CNTN4: variants seen among roughly 807,000 people sequenced by gnomAD.
The protein encoded by CNTN4 is contactin 4.
Under a neutral mutation model 122.5 loss-of-function variants are expected in CNTN4, and 77 were observed. That is an observed-to-expected ratio of 0.63 (90% confidence interval 0.52 to 0.76). CNTN4 has a LOEUF of 0.76. CNTN4 is among the 30% of genes least tolerant of loss of function. CNTN4 has a pLI of 0.00. For missense variants in CNTN4, 1,256 were observed against 1,259.1 expected (o/e 1.00, Z 0.04); for synonymous variants, 512 against 447.0 (o/e 1.15, Z -1.83).
At chr3:3,004,730 G>T (rs1338462242) in intron 14 of CNTN4, among the ~76,000 whole-genome samples, 1 of 152,196 alleles carries the variant, frequency 6.6e-6, no homozygotes, top group Non-Finnish European at 1.5e-5. Context: ...CTCTTCTCTT[G>T]CTGTACTGTT....
intron 2 of CNTN4, among the ~76,000 whole-genome samples, chr3:2,157,805 A>G (rs1389459426): frequency 2.0e-5 from 3 of 152,246 alleles, no homozygotes; most frequent in Non-Finnish European, 2.9e-5. Flanking sequence ...TCCTGACTTC[A>G]AAATTTTCTG....
At chr3:2,241,500 C>T (rs185385101) in intron 2 of CNTN4, among the ~76,000 whole-genome samples, 1 of 151,992 alleles carries the variant, frequency 6.6e-6, no homozygotes, top group Non-Finnish European at 1.5e-5. Context: ...CTAGGGATAC[C>T]CCTTCCTTCC....
intron 3 of CNTN4, among the ~76,000 whole-genome samples, chr3:2,502,935 A>G (rs376088881): frequency 2.6e-5 from 4 of 152,194 alleles, no homozygotes; most frequent in African/African-American, 7.2e-5. Context: ...GATGAAAACT[A>G]TACTGTTGTA....
At chr3:2,207,031 T>C (rs1382862971) in intron 2 of CNTN4, among the ~76,000 whole-genome samples, 1 of 151,044 alleles carries the variant, frequency 6.6e-6, no homozygotes, top group Non-Finnish European at 1.5e-5. Flanking sequence ...TTCTTATTAT[T>C]ATATTGTTAC....
intron 3 of CNTN4, among the ~76,000 whole-genome samples, chr3:2,481,069 C>CTTTCTCTCTT (rs1316209675): frequency 7.2e-6 from 1 of 138,692 alleles, no homozygotes; most frequent in African/African-American, 2.8e-5. Context: ...TTCTCTCTTT[C>CTTTCTCTCTT]TCTCTTTCTC....
intron 23 of CNTN4, among the ~76,000 whole-genome samples, chr3:3,046,358 A>G (rs2125831141): frequency 6.6e-6 from 1 of 152,334 alleles, no homozygotes; most frequent in South Asian, 2.1e-4. Context: ...GAAGGAAAAA[A>G]TGTTAAGGGC....
chr3:2,307,795 T>A (rs1171692084), intron 2 of CNTN4, among the ~76,000 whole-genome samples: 1 of 133,788 alleles, frequency 7.5e-6, no homozygotes, highest in East Asian at 2.5e-4. Flanking sequence ...ACTTGAATAA[T>A]CTGTTGTGGT....
chr3:3,017,075 T>C (rs1397464867), intron 14 of CNTN4, among the ~76,000 whole-genome samples: 1 of 152,222 alleles, frequency 6.6e-6, no homozygotes, highest in Non-Finnish European at 1.5e-5. Context: ...ATGCTACTTC[T>C]GTGTTTTCTT....
Position 2,538,849 on chromosome 3 carries a change from A to C in CNTN4, c.-88-32567A>C, listed in dbSNP as rs1166155675. On this transcript the variant is annotated intron_variant, in intron 3 of 24. Transcript: ENST00000418658. ...ATTTCTAATATACATATATATGCACACACAGACACACACCCACAATGTTCT... is the reference window on the plus strand; with the variant it reads ...ATTTCTAATATACATATATATGCACCCACAGACACACACCCACAATGTTCT... 2.0e-5 allele frequency among the ~76,000 whole-genome samples: 3 copies of C among 152,042 alleles called. No homozygotes were observed. The East Asian group carries it at 5.8e-4, about 29-fold the overall frequency.
intron 4 of CNTN4, among the ~76,000 whole-genome samples, chr3:2,666,055 C>G (rs1040317758): frequency 5.3e-5 from 8 of 152,128 alleles, no homozygotes; most frequent in African/African-American, 1.7e-4. Context: ...ATTCAGACTC[C>G]CTAAGTTGTC....
chr3:2,803,591 G>T (rs929423384), intron 6 of CNTN4, among the ~76,000 whole-genome samples: 5 of 147,612 alleles, frequency 3.4e-5, no homozygotes, highest in Non-Finnish European at 7.4e-5. Flanking sequence ...ACAGAGCCTC[G>T]CTCTGTCGCC....
intron 13 of CNTN4, among the ~76,000 whole-genome samples, chr3:2,939,405 A>G (rs1436163438): frequency 6.6e-6 from 1 of 152,080 alleles, no homozygotes; most frequent in Non-Finnish European, 1.5e-5. Flanking sequence ...GTGTTAATGT[A>G]CACAATTCCT....
chr3:2,351,835 G>A (rs1015450958), intron 3 of CNTN4, among the ~76,000 whole-genome samples: 7 of 151,432 alleles, frequency 4.6e-5, no homozygotes, highest in African/African-American at 1.7e-4. Context: ...GGAGGGAATG[G>A]GGGATTGTTG....
intron 2 of CNTN4, among the ~76,000 whole-genome samples, chr3:2,259,659 T>C (rs1002492278): frequency 6.6e-6 from 1 of 152,128 alleles, no homozygotes; most frequent in Non-Finnish European, 1.5e-5. Context: ...TCAGATCTCA[T>C]GAGATGTATT....
intron 6 of CNTN4, among the ~76,000 whole-genome samples, chr3:2,770,183 T>C (rs9875644): frequency 0.81 from 123,589 of 151,964 alleles, 51,462 homozygotes; most frequent in Non-Finnish European, 0.9. Context: ...GCACGCGTCA[T>C]CATGCCCGGC....
chr3:2,680,289 A>T (rs1009684033), intron 4 of CNTN4, among the ~76,000 whole-genome samples: 1 of 152,194 alleles, frequency 6.6e-6, no homozygotes, highest in Non-Finnish European at 1.5e-5. Flanking sequence ...TCTGCCTTGA[A>T]GGTAGTTTTG....
intron 4 of CNTN4, among the ~76,000 whole-genome samples, chr3:2,599,594 G>A (rs145977371): frequency 2.6e-5 from 4 of 152,304 alleles, no homozygotes; most frequent in African/African-American, 9.6e-5. Flanking sequence ...TCTGCTCAGA[G>A]TGTGGCTTAC....
At chr3:2,596,727 C>T (rs1011949464) in intron 4 of CNTN4, among the ~76,000 whole-genome samples, 7 of 152,000 alleles carry the variant, frequency 4.6e-5, no homozygotes, top group Non-Finnish European at 5.9e-5. Context: ...TGAATCTAGG[C>T]GATTTGACTC....
At chr3:2,102,665 G>A (rs1315374222) in intron 2 of CNTN4, among the ~76,000 whole-genome samples, 1 of 152,196 alleles carries the variant, frequency 6.6e-6, no homozygotes, top group Non-Finnish European at 1.5e-5. Context: ...GAAAGAGGAA[G>A]ACTTGGGAGG....
Sources: allele counts gnomAD v4.1 joint callset (sites outside exome capture counted in the v4.1 genomes callset), GRCh38; gene constraint gnomAD v4.1.1; transcripts MANE v1.5; gene names NCBI Gene and HGNC (gene_info 2026-07-23, HGNC 2026-07-21).